The following SLC22A9 variants were observed in gnomAD, a reference collection of about 807,000 sequenced individuals.
SLC22A9 encodes solute carrier family 22 member 9.
In SLC22A9, 64 loss-of-function variants were observed where a neutral mutation model predicts 50.1. The ratio of observed to expected loss-of-function variants is 1.28; its 90% CI spans 1.04 to 1.57. SLC22A9 has a LOEUF of 1.57. Among genes scored for constraint, SLC22A9 ranks in the 40% most tolerant of loss-of-function variants. SLC22A9 has a pLI of 0.00. For synonymous variants in SLC22A9, 261 were observed against 242.5 expected (o/e 1.08, Z -0.71); for missense variants, 757 against 676.1 (o/e 1.12, Z -1.33).
intron 6 of SLC22A9, among the ~76,000 whole-genome samples, chr11:63,389,888 A>G (rs938641452): frequency 4.6e-5 from 7 of 152,158 alleles, no homozygotes; most frequent in African/African-American, 1.7e-4. Flanking sequence ...CTGGCATGAG[A>G]TGGTATCTCA....
Position 63,370,247 on chromosome 11 carries a change from C to T in SLC22A9, c.191C>T (p.Thr64Ile). The T allele has an allele frequency of 6.2e-7, 1 of 1,614,032 alleles. No individual in the cohort carries two copies. The highest frequency in any genetic ancestry group is 8.5e-7 in the Non-Finnish European group (1 of 1,179,924). ...LDNDTVSDND[T>I]GALSQDALLR... ...AATGACACTGTCTCTGACAATGACA[C>T]TGGGGCCCTCAGCCAAGATGCACTC... The change falls in exon 1 of 10, where the codon ACT (threonine) becomes ATT (isoleucine). Residue 64 changes from threonine to isoleucine, a missense_variant. Transcript: ENST00000279178.
intron 6 of SLC22A9, among the ~76,000 whole-genome samples, chr11:63,388,913 G>A (rs533175674): frequency 7.2e-5 from 11 of 152,002 alleles, no homozygotes; most frequent in East Asian, 1.9e-4. Context: ...TATGCTATTC[G>A]TGTCTAGTAA....
chr11:63,369,960 A>G lies in SLC22A9; in HGVS notation c.-97A>G. ...GAGAGTGGGGTCAGGATCAAAACACATTTAGTGTGACTTAGGGAAAGAAAA... is the reference window on the plus strand; with the variant it reads ...GAGAGTGGGGTCAGGATCAAAACACGTTTAGTGTGACTTAGGGAAAGAAAA... On this transcript the variant is annotated 5_prime_UTR_variant, in exon 1 of 10. Transcript: ENST00000279178. 8.0e-7 allele frequency: 1 copy of G among 1,254,874 alleles called. No individual in the cohort carries two copies. Among genetic ancestry groups the G allele is most frequent in the Non-Finnish European group, 1.1e-6 (1 of 904,906 alleles). The allele number at this position is 1,254,874 out of a possible 1,614,324, so 77.7% of individuals were successfully genotyped here.
At chr11:63,396,594 G>A (rs1591024700) in intron 6 of SLC22A9, among the ~76,000 whole-genome samples, 1 of 152,160 alleles carries the variant, frequency 6.6e-6, no homozygotes, top group Non-Finnish European at 1.5e-5. Context: ...GGGTCTGTGG[G>A]TCCTTTCAGG....
intron 5 of SLC22A9, among the ~76,000 whole-genome samples, chr11:63,381,120 C>T (rs1029063251): frequency 1.3e-5 from 2 of 152,156 alleles, no homozygotes; most frequent in African/African-American, 4.8e-5. Flanking sequence ...ACCTCCATCT[C>T]ACAGGTTTCC....
At chr11:63,405,001 C>G (rs1487331528) in intron 6 of SLC22A9, among the ~76,000 whole-genome samples, 1 of 151,996 alleles carries the variant, frequency 6.6e-6, no homozygotes, top group Non-Finnish European at 1.5e-5. Context: ...GTTCTGTCCC[C>G]ATGTCAGATG....
Position 63,373,883 on chromosome 11 carries a change from T to C in SLC22A9, c.662-11T>C, listed in dbSNP as rs1189118726. 1 of 1,611,816 alleles carries C rather than the reference T, an allele frequency of 6.2e-7. No homozygotes were observed. The highest frequency in any genetic ancestry group is 8.5e-7 in the Non-Finnish European group (1 of 1,178,994). On this transcript the variant is annotated splice_polypyrimidine_tract_variant and intron_variant, in intron 3 of 9. Coordinates refer to ENST00000279178, the MANE Select transcript of SLC22A9 (RefSeq NM_080866.3). ...CTTTGAAGTCAAAGCCTTATCTGTT[T>C]TTTCTTCCAGTAGCCGAGTGGGCAA... is the stretch of plus-strand genomic sequence containing the variant.
Position 63,382,151 on chromosome 11 carries a change from T to C in SLC22A9, c.955-8T>C, listed in dbSNP as rs781735099. The C allele has an allele frequency of 6.3e-7, 1 of 1,599,964 alleles. No individual in the cohort carries two copies. The highest frequency in any genetic ancestry group is 8.5e-7 in the Non-Finnish European group (1 of 1,173,008). On this transcript the variant is annotated splice_polypyrimidine_tract_variant and splice_region_variant and intron_variant, in intron 5 of 9. Coordinates refer to ENST00000279178, the MANE Select transcript of SLC22A9 (RefSeq NM_080866.3). ...CTGTACAGTTTATTGTTTCTGCTAT[T>C]GTTGAAGATTTTGAAATCCACCATG...
At chr11:63,388,375 T>TA (rs1375748605) in intron 6 of SLC22A9, among the ~76,000 whole-genome samples, 1 of 151,866 alleles carries the variant, frequency 6.6e-6, no homozygotes, top group African/African-American at 2.4e-5. Context: ...TTTTTTTTTT[T>TA]ATCAGAAATG....
At chr11:63,390,808 T>C (rs758763113) in intron 6 of SLC22A9, among the ~76,000 whole-genome samples, 19 of 152,172 alleles carry the variant, frequency 1.2e-4, no homozygotes, top group Non-Finnish European at 2.2e-4. Flanking sequence ...ACAATATTGA[T>C]TCTTCCTATC....
At chr11:63,385,478 G>C (rs1409781128) in intron 6 of SLC22A9, among the ~76,000 whole-genome samples, 1 of 152,088 alleles carries the variant, frequency 6.6e-6, no homozygotes, top group Non-Finnish European at 1.5e-5. Context: ...TTGAGCAGTG[G>C]TTTGTAGTTC....
At chr11:63,391,952 C>G (rs925006050) in intron 6 of SLC22A9, among the ~76,000 whole-genome samples, 10 of 151,884 alleles carry the variant, frequency 6.6e-5, no homozygotes, top group Non-Finnish European at 1.0e-4. Flanking sequence ...TTTTAATCTC[C>G]TACTTTTCAT....
At chr11:63,397,848 C>G (rs755404114) in intron 6 of SLC22A9, among the ~76,000 whole-genome samples, 7 of 152,090 alleles carry the variant, frequency 4.6e-5, no homozygotes, top group Non-Finnish European at 1.0e-4. Context: ...ATTTATGGAC[C>G]CCAAGACCCC....
intron 4 of SLC22A9, 99 bp downstream of exon 4, chr11:63,374,161 T>G: frequency 8.8e-7 from 1 of 1,137,508 alleles, no homozygotes; most frequent in South Asian, 1.7e-5. Context: ...TGTGTAAACC[T>G]GAGAGCACGT....
intron 6 of SLC22A9, among the ~76,000 whole-genome samples, chr11:63,391,822 A>T (rs1446596439): frequency 3.3e-5 from 5 of 150,060 alleles, no homozygotes; most frequent in Non-Finnish European, 5.9e-5. Flanking sequence ...ATTGATTTTA[A>T]AAAAAAGACT....
At chr11:63,409,035 G>C (rs1408477927) in intron 9 of SLC22A9, among the ~76,000 whole-genome samples, 156 bp downstream of exon 9, 1 of 152,118 alleles carries the variant, frequency 6.6e-6, no homozygotes, top group African/African-American at 2.4e-5. Context: ...ACAGCCACAT[G>C]CCTTCCCACA....
At chr11:63,381,738 A>G (rs923983688) in intron 5 of SLC22A9, among the ~76,000 whole-genome samples, 41 of 152,148 alleles carry the variant, frequency 2.7e-4, no homozygotes, top group African/African-American at 9.4e-4. Flanking sequence ...CTCCTTTCTG[A>G]GGCAAGCTGT....
chr11:63,390,562 T>C (rs2014745883), intron 6 of SLC22A9, among the ~76,000 whole-genome samples: 1 of 152,160 alleles, frequency 6.6e-6, no homozygotes, highest in Admixed American at 6.6e-5. Flanking sequence ...AGTGCCATGC[T>C]GTTTTGGGGT....
chr11:63,406,095 G>A (rs1285255341), intron 6 of SLC22A9, among the ~76,000 whole-genome samples: 1 of 152,108 alleles, frequency 6.6e-6, no homozygotes, highest in Non-Finnish European at 1.5e-5. Flanking sequence ...ATTTTCAAAT[G>A]GAACTGTCTT....
Sources: allele counts gnomAD v4.1 joint callset (sites outside exome capture counted in the v4.1 genomes callset), GRCh38; gene constraint gnomAD v4.1.1; transcripts MANE v1.5; gene names NCBI Gene and HGNC (gene_info 2026-07-23, HGNC 2026-07-21).